The following IKZF2 variants were observed in gnomAD, a reference collection of about 807,000 sequenced individuals.
The protein encoded by IKZF2 is IKAROS family zinc finger 2.
In IKZF2, 15 loss-of-function variants were observed where a neutral mutation model predicts 49.2. The ratio of observed to expected loss-of-function variants is 0.30; its 90% CI spans 0.20 to 0.47. IKZF2 has a LOEUF of 0.47. IKZF2 is among the 20% of genes least tolerant of loss of function. IKZF2 has a pLI of 1.00. For synonymous variants in IKZF2, 227 were observed against 221.4 expected, an observed-to-expected ratio of 1.03 and a Z score of -0.23; for missense variants, 567 against 664.6, an observed-to-expected ratio of 0.85 and a Z score of 1.61.
chr2:213,088,936 C>G (rs966544210), intron 4 of IKZF2, among the ~76,000 whole-genome samples: 5 of 152,148 alleles, frequency 3.3e-5, no homozygotes, highest in Non-Finnish European at 7.4e-5. Context: ...AGTGAGGACA[C>G]TAAGTCTTAA....
intron 1 of IKZF2, among the ~76,000 whole-genome samples, chr2:213,150,819 T>C (rs532538115): frequency 7.3e-4 from 111 of 151,920 alleles, no homozygotes; most frequent in African/African-American, 2.6e-3. Context: ...TAAATAAATC[T>C]TAATTCCATC....
chr2:213,067,779 T>C (rs1702299948), intron 4 of IKZF2, among the ~76,000 whole-genome samples: 1 of 152,054 alleles, frequency 6.6e-6, no homozygotes. Context: ...TGTCTTTTTA[T>C]ATATATAAGC....
At chr2:213,056,681 C>T (rs1040370405) in intron 5 of IKZF2, 152 bp downstream of exon 5, 4 of 905,144 alleles carry the variant, frequency 4.4e-6, no homozygotes, top group African/African-American at 3.3e-5. Flanking sequence ...CCAGGCTACT[C>T]TCTGTTTTTC....
chr2:213,106,134 T>G (rs2059517052), intron 4 of IKZF2, among the ~76,000 whole-genome samples: 1 of 152,164 alleles, frequency 6.6e-6, no homozygotes. Flanking sequence ...TGATTAGCTA[T>G]TTCTCTTTTT....
rs75629147 is a variant in IKZF2 at position 213,151,430 on chromosome 2, T to C, written c.-137A>G. The C allele has an allele frequency of 7.2e-5, 11 of 152,654 alleles. No individual in the cohort carries two copies. The highest frequency in any genetic ancestry group is 2.6e-4 in the African/African-American group (11 of 41,554). The allele number at this position is 152,654 out of a possible 1,614,324, so 9.5% of individuals were successfully genotyped here. ...AGATTTACCTCAGCAGTGCATGCAG[T>C]AAAATAATCCCATCACCCTTTTGTT... On this transcript the variant is annotated 5_prime_UTR_variant, in exon 1 of 9. Transcript: ENST00000434687.
At chr2:213,098,733 A>G (rs1448148357) in intron 4 of IKZF2, among the ~76,000 whole-genome samples, 1 of 152,156 alleles carries the variant, frequency 6.6e-6, no homozygotes. Flanking sequence ...AAAGCAAAGC[A>G]TTCTCTCACT....
At chr2:213,098,220 G>A (rs746319115) in intron 4 of IKZF2, among the ~76,000 whole-genome samples, 27 of 152,034 alleles carry the variant, frequency 1.8e-4, no homozygotes, top group Non-Finnish European at 3.5e-4. Flanking sequence ...TGATTCTAAT[G>A]TGCAGCCAAA....
chr2:213,109,160 T>C (rs2059622872), intron 4 of IKZF2, among the ~76,000 whole-genome samples: 1 of 152,138 alleles, frequency 6.6e-6, no homozygotes, highest in Non-Finnish European at 1.5e-5. Flanking sequence ...TATTAAATAA[T>C]CACTTTGAGG....
At position 213,000,037 on chromosome 2, in the gene IKZF2, A is replaced by G. The variant is rs2124926951; in HGVS notation, c.*7323T>C. On this transcript the variant is annotated 3_prime_UTR_variant, in exon 9 of 9. Transcript: ENST00000434687. ...GTGCATTAAAAACAAAGAAGATACA[A>G]GTCCCACATTTTAGTCTGCAGTGAT... 6.6e-6 allele frequency: 1 copy of G among 152,144 alleles called. No homozygotes were observed. The highest frequency in any genetic ancestry group is 2.1e-4 in the South Asian group (1 of 4,830). The allele number at this position is 152,144 out of a possible 1,614,324, so 9.4% of individuals were successfully genotyped here.
chr2:213,150,273 AAG>A (rs759157542), intron 1 of IKZF2, 26 bp from the exon 2 acceptor site: 43 of 985,820 alleles, frequency 4.4e-5, no homozygotes, highest in Non-Finnish European at 6.0e-5. Flanking sequence ...GGGAGAAAGA[AAG>A]AAGTTTTTTG....
chr2:213,008,132 A>AAAT, intron 8 of IKZF2, 48 bp from the exon 9 acceptor site: 1 of 1,029,536 alleles, frequency 9.7e-7, no homozygotes, highest in African/African-American at 2.1e-5. Context: ...AAAAAAATAC[A>AAAT]ACAACATTAG....
At chr2:213,147,833 C>T (rs754419590) in intron 3 of IKZF2, 21 bp from the exon 4 acceptor site, 2 of 1,566,228 alleles carry the variant, frequency 1.3e-6, no homozygotes, top group Admixed American at 3.3e-5. Context: ...AAAATATAAT[C>T]TTTTGGTTTC....
intron 4 of IKZF2, among the ~76,000 whole-genome samples, chr2:213,139,641 G>A (rs910248498): frequency 2.0e-5 from 3 of 151,970 alleles, no homozygotes; most frequent in Non-Finnish European, 4.4e-5. Context: ...TTGTAAACCT[G>A]TTTAATGTCA....
At chr2:213,072,497 T>C (rs12694293) in intron 4 of IKZF2, among the ~76,000 whole-genome samples, 55,741 of 151,802 alleles carry the variant, frequency 0.37, 12,788 homozygotes, top group East Asian at 0.73. Context: ...GCTCACTGGG[T>C]ATTGAACTTA....
At chr2:213,100,573 C>T (rs183489523) in intron 4 of IKZF2, among the ~76,000 whole-genome samples, 79 of 152,070 alleles carry the variant, frequency 5.2e-4, no homozygotes, top group African/African-American at 1.8e-3. Context: ...TTAATACAGC[C>T]ACTGAATTCT....
chr2:213,068,157 A>C (rs992326809), intron 4 of IKZF2, among the ~76,000 whole-genome samples: 8 of 152,146 alleles, frequency 5.3e-5, no homozygotes, highest in African/African-American at 1.9e-4. Context: ...AAGGGCATAT[A>C]AATGGCTTTC....
rs1695265296 is a variant in IKZF2 at position 213,005,380 on chromosome 2, T to A, written c.*1980A>T. ...TCCCAAAAATAATTATGACAGGGAC[T>A]AGTAGAAGAGAGCTGAGTTCTAACC... On this transcript the variant is annotated 3_prime_UTR_variant, in exon 9 of 9. Transcript: ENST00000434687. 6.6e-6 allele frequency: 1 copy of A among 151,900 alleles called. No homozygotes were observed. The highest frequency in any genetic ancestry group is 6.6e-5 in the Admixed American group (1 of 15,210). The allele number at this position is 151,900 out of a possible 1,614,324, so 9.4% of individuals were successfully genotyped here. A position where few individuals can be genotyped will look rare whatever the true frequency, so the allele number is the denominator to read the frequency against.
At chr2:213,106,886 T>C (rs1473855311) in intron 4 of IKZF2, among the ~76,000 whole-genome samples, 1 of 152,108 alleles carries the variant, frequency 6.6e-6, no homozygotes, top group Non-Finnish European at 1.5e-5. Context: ...AAAAAGTATC[T>C]CTCCAATTCA....
chr2:213,021,071 G>A (rs2125104271), intron 7 of IKZF2, among the ~76,000 whole-genome samples: 1 of 152,224 alleles, frequency 6.6e-6, no homozygotes, highest in Non-Finnish European at 1.5e-5. Context: ...AAACTAGCCA[G>A]GCCTGGTGGT....
Sources: gnomAD v4.1 joint callset for allele counts (sites outside exome capture counted in the v4.1 genomes callset) on GRCh38, gnomAD v4.1.1 for gene constraint, MANE v1.5 for transcripts, NCBI Gene and HGNC (gene_info 2026-07-23, HGNC 2026-07-21) for gene names.